Variants in CD6 observed in about 807,000 individuals in gnomAD.
CD6 encodes T-cell differentiation antigen CD6.
Under a neutral mutation model 75.3 loss-of-function variants are expected in CD6, and 53 were observed. The ratio of observed to expected loss-of-function variants is 0.70; its 90% CI spans 0.56 to 0.88. The LOEUF (loss-of-function observed/expected upper bound fraction) is 0.88. Among genes scored for constraint, CD6 ranks in the 40% least tolerant of loss-of-function variants. The probability of loss-of-function intolerance (pLI) is 0.00; values close to 1 mark genes in which losing one functional copy is unlikely to be tolerated. For synonymous variants in CD6, 359 were observed against 381.5 expected (o/e 0.94, Z 0.69); for missense variants, 770 against 897.1 (o/e 0.86, Z 1.81).
intron 1 of CD6, among the ~76,000 whole-genome samples, chr11:61,002,568 T>A (rs1858636284): frequency 6.6e-6 from 1 of 151,846 alleles, no homozygotes; most frequent in Non-Finnish European, 1.5e-5. Flanking sequence ...AAAAAAAAAA[T>A]CTGCAGTGAA....
chr11:61,005,880 G>A (rs9734510), intron 1 of CD6, among the ~76,000 whole-genome samples: 47,852 of 150,824 alleles, frequency 0.32, 8,113 homozygotes, highest in Middle Eastern at 0.52. Flanking sequence ...GCGGTGAGCC[G>A]AGATCAAGCC....
chr11:60,991,161 T>TG (rs1858050314), intron 1 of CD6, among the ~76,000 whole-genome samples: 1 of 147,058 alleles, frequency 6.8e-6, no homozygotes, highest in Non-Finnish European at 1.5e-5. Context: ...TTTTTTTTTT[T>TG]TTTTTTGAGA....
rs1192643763 is a variant in CD6 at position 61,007,491 on chromosome 11, A to C, written c.119-69A>C. 2.5e-6 allele frequency: 3 copies of C among 1,194,196 alleles called. No individual in the cohort carries two copies. The Admixed American group carries it at 1.2e-4, about 47-fold the overall frequency. The allele number at this position is 1,194,196 out of a possible 1,614,324, so 74.0% of individuals were successfully genotyped here. A position where few individuals can be genotyped will look rare whatever the true frequency, so the allele number is the denominator to read the frequency against. ...GTTGTCAAAGTTCACGCACAGAGTC[A>C]GTGGCAGAGCCTGGGCAACCCTCTG... On this transcript the variant is annotated intron_variant, in intron 2 of 12. Coordinates refer to ENST00000313421, the MANE Select transcript of CD6 (RefSeq NM_006725.5). This position sits in a 1 kb window ranked among gnomAD's most constrained non-coding sequence, Gnocchi z 4.2.
rs751128467 is a variant in CD6, at chr11:61,008,571, C to T, written c.507C>T (p.Ala169=). The stretch of plus-strand genomic sequence containing the variant: ...TGCGCCTGGTGGACGGTGGCGGCGC[C>T]TGCGCCGGCCGCGTGGAGATGCTGG... ...RALRLVDGGG[A]CAGRVEMLEH... is the part of the protein sequence containing the mutation. Residue 169 remains alanine (A), a synonymous_variant, in exon 4 of 13, where the codon GCC becomes GCT. Transcript: ENST00000313421. 2 of 1,607,034 alleles carry T rather than the reference C, an allele frequency of 1.2e-6. No individual in the cohort carries two copies. The highest frequency in any genetic ancestry group is 2.2e-5 in the South Asian group (2 of 89,988).
At chr11:60,987,095 G>A (rs1028256929) in intron 1 of CD6, among the ~76,000 whole-genome samples, 1 of 152,064 alleles carries the variant, frequency 6.6e-6, no homozygotes, top group Non-Finnish European at 1.5e-5. Flanking sequence ...ACCACAGTGC[G>A]AGACTCCATC....
chr11:61,020,232 C>G lies in CD6; in HGVS notation c.*914C>G, dbSNP rs944047835. The G allele has an allele frequency of 7.5e-6, 3 of 398,716 alleles. No individual in the cohort carries two copies. Among genetic ancestry groups the G allele is most frequent in the African/African-American group, 6.2e-5 (3 of 48,592 alleles). The allele number at this position is 398,716 out of a possible 1,614,324, so 24.7% of individuals were successfully genotyped here. On this transcript the variant is annotated 3_prime_UTR_variant, in exon 13 of 13. Transcript: ENST00000313421. ...GTCTCCTTGAATTGATGAGGATGCT[C>G]CTGGGAGGGATGCGTGACTATGTGG...
At position 60,971,788 on chromosome 11, in the gene CD6, C is replaced by A; in HGVS notation, c.-78C>A. ...GCAGACCTGCGCCAGGGGCGCACAA[C>A]GGCCGTGTCCACCTCCCGGCCCCAA... On this transcript the variant is annotated 5_prime_UTR_variant, in exon 1 of 13. Coordinates refer to ENST00000313421, the MANE Select transcript of CD6 (RefSeq NM_006725.5). 3 of 1,438,390 alleles carry A rather than the reference C, an allele frequency of 2.1e-6. No individual in the cohort carries two copies. Among genetic ancestry groups the A allele is most frequent in the Non-Finnish European group, 2.9e-6 (3 of 1,031,828 alleles). The allele number at this position is 1,438,390 out of a possible 1,614,324, so 89.1% of individuals were successfully genotyped here. A position where few individuals can be genotyped will look rare whatever the true frequency, so the allele number is the denominator to read the frequency against.
At chr11:61,006,714 G>A in intron 2 of CD6, 72 bp downstream of exon 2, 1 of 1,281,030 alleles carries the variant, frequency 7.8e-7, no homozygotes, top group African/African-American at 1.5e-5. Flanking sequence ...ATAAAGAAGG[G>A]AAATGGACAT....
intron 1 of CD6, among the ~76,000 whole-genome samples, chr11:60,973,230 G>A (rs377223226): frequency 4.6e-5 from 7 of 152,364 alleles, no homozygotes; most frequent in Admixed American, 6.5e-5. Flanking sequence ...CTTGGCGTCC[G>A]AGCCTTGGCA....
At chr11:61,013,381 G>T (rs753170498) in intron 6 of CD6, 42 bp from the exon 7 acceptor site, 1 of 1,608,178 alleles carries the variant, frequency 6.2e-7, no homozygotes, top group South Asian at 1.1e-5. Context: ...AAGGGTGAGT[G>T]CCCATTCCTC....
Position 60,971,770 on chromosome 11 carries a change from TGCGCCAGGGGCGCACAACGGCCGTGTCCA to T in CD6, c.-95_-67del. The stretch of plus-strand genomic sequence containing the variant: ...AGAACAGCAAAGGGTAGAGCAGACC[TGCGCCAGGGGCGCACAACGGCCGTGTCCA>T]CCTCCCGGCCCCAAGATGGTGCTTC... On this transcript the variant is annotated 5_prime_UTR_variant, in exon 1 of 13. Coordinates refer to ENST00000313421, the MANE Select transcript of CD6 (RefSeq NM_006725.5). 9 of 1,260,358 alleles carry T rather than the reference TGCGCCAGGGGCGCACAACGGCCGTGTCCA, an allele frequency of 7.1e-6. 1 individual carries two copies. The South Asian group carries it at 1.1e-4, about 16-fold the overall frequency. The allele number at this position is 1,260,358 out of a possible 1,614,324, so 78.1% of individuals were successfully genotyped here. A position where few individuals can be genotyped will look rare whatever the true frequency, so the allele number is the denominator to read the frequency against.
chr11:60,979,335 G>A (rs1857479802), intron 1 of CD6, among the ~76,000 whole-genome samples: 1 of 152,200 alleles, frequency 6.6e-6, no homozygotes, highest in Non-Finnish European at 1.5e-5. Context: ...CCTCATCATG[G>A]CACGCCCTCA....
intron 1 of CD6, among the ~76,000 whole-genome samples, chr11:60,998,572 C>T (rs1466186486): frequency 2.0e-5 from 3 of 152,102 alleles, no homozygotes; most frequent in Non-Finnish European, 4.4e-5. Context: ...CTGACATTGC[C>T]GAGAAGAGAC....
intron 1 of CD6, chr11:60,982,810 A>G (rs1008430126): frequency 8.3e-5 from 37 of 446,738 alleles, no homozygotes; most frequent in Non-Finnish European, 1.4e-4. Context: ...GTCTTGGAGC[A>G]GGGCTGAGAA....
At chr11:60,983,868 T>C (rs1041797703) in intron 1 of CD6, among the ~76,000 whole-genome samples, 3 of 152,236 alleles carry the variant, frequency 2.0e-5, no homozygotes, top group South Asian at 2.1e-4. Flanking sequence ...TCTTTCTCTT[T>C]CATGTCATTG....
rs1357777895 is a variant in CD6, at chr11:61,008,600, A to G, written c.536A>G (p.His179Arg). Residue 179 changes from histidine (H) to arginine (R), a missense_variant, in exon 4 of 13, where the codon CAT (histidine) becomes CGT (arginine). His to Arg is a conservative substitution (Grantham distance 29). Transcript: ENST00000313421. ...GCCGGCCGCGTGGAGATGCTGGAGC[A>G]TGGCGAGTGGGGATCAGTGTGCGAT... The part of the protein sequence containing the change: ...ACAGRVEMLE[H>R]GEWGSVCDDT... 6.2e-7 allele frequency: 1 copy of G among 1,608,406 alleles called. No individual in the cohort carries two copies.
At chr11:61,012,988 G>A (rs991351053) in intron 6 of CD6, among the ~76,000 whole-genome samples, 11 of 152,160 alleles carry the variant, frequency 7.2e-5, no homozygotes, top group Non-Finnish European at 1.5e-4. Flanking sequence ...CCATCACAGC[G>A]GGTGCCTCAT....
intron 1 of CD6, chr11:60,989,402 A>G (rs903108454): frequency 1.3e-5 from 2 of 152,278 alleles, no homozygotes; most frequent in Non-Finnish European, 2.9e-5. Flanking sequence ...GTCCTGGCCC[A>G]AAGGGCACCT....
rs1471222934 is a variant in CD6 at position 61,018,976 on chromosome 11, G to A, written c.1943-278G>A. The A allele has an allele frequency of 1.2e-5, 5 of 404,920 alleles. No individual in the cohort carries two copies. In the East Asian group the frequency reaches 1.8e-4, roughly 15 times the overall value. The allele number at this position is 404,920 out of a possible 1,614,324, so 25.1% of individuals were successfully genotyped here. ...GCAGAAGCAGCTGGTTGGCTCCTTG[G>A]GGGAGACTGTGGTAGCAGAGGGGCT... is the stretch of plus-strand genomic sequence containing the variant. On this transcript the variant is annotated intron_variant, in intron 12 of 12. Transcript: ENST00000313421.
Sources: allele counts gnomAD v4.1 joint callset (sites outside exome capture counted in the v4.1 genomes callset), GRCh38; gene constraint gnomAD v4.1.1; non-coding constraint Gnocchi (gnomAD v3.1); transcripts MANE v1.5; gene names NCBI Gene and HGNC (gene_info 2026-07-23, HGNC 2026-07-21).